The following LRRC53 variants were observed in gnomAD, a reference collection of about 807,000 sequenced individuals.
The protein encoded by LRRC53 is leucine-rich repeat-containing protein 53.
Under a neutral mutation model 13.6 loss-of-function variants are expected in LRRC53, and 25 were observed. The observed-to-expected ratio is 1.83, with a 90% CI of 1.34 to 2.56. The LOEUF is 2.56. LRRC53 is among the 30% of genes most tolerant of loss of function. The pLI is 0.00. For synonymous variants in LRRC53, 204 were observed against 109.8 expected (o/e 1.86, Z -5.37); for missense variants, 527 against 275.8 (o/e 1.91, Z -6.45).
At chr1:74,532,477 A>G in the LRRC53 span, among the ~76,000 whole-genome samples, 1 of 151,010 alleles carries the variant, frequency 6.6e-6, no homozygotes, top group East Asian at 1.9e-4. Context: ...TTTTCTTTTT[A>G]TTTTATTATT....
chr1:74,528,781 G>A, the LRRC53 span, among the ~76,000 whole-genome samples: 78 of 152,222 alleles, frequency 5.1e-4, no homozygotes, highest in Non-Finnish European at 8.5e-4. Context: ...TGGGAGGAGC[G>A]GCACTTCAAC....
At chr1:74,523,935 C>A in the LRRC53 span, among the ~76,000 whole-genome samples, 1 of 152,100 alleles carries the variant, frequency 6.6e-6, no homozygotes, top group Admixed American at 6.6e-5. Context: ...TCCCCCCACC[C>A]CCGACAGGCC....
the LRRC53 span, among the ~76,000 whole-genome samples, chr1:74,519,770 A>C: frequency 0.014 from 2,088 of 152,232 alleles, 42 homozygotes; most frequent in African/African-American, 0.045. Context: ...TATAATGAAG[A>C]TATGTTATAG....
At chr1:74,533,112 G>A in the LRRC53 span, among the ~76,000 whole-genome samples, 5 of 152,158 alleles carry the variant, frequency 3.3e-5, no homozygotes, top group South Asian at 2.1e-4. Flanking sequence ...AGAAAGTACC[G>A]TCAGAGTGAA....
the LRRC53 span, among the ~76,000 whole-genome samples, chr1:74,523,273 G>A: frequency 2.1e-4 from 32 of 152,110 alleles, 1 homozygote; most frequent in Non-Finnish European, 4.3e-4. Context: ...CACATCTATA[G>A]ACATTATCTC....
intron 1 of LRRC53, among the ~76,000 whole-genome samples, chr1:74,510,165 T>A (rs949947872): frequency 1.3e-5 from 2 of 152,152 alleles, no homozygotes; most frequent in Non-Finnish European, 2.9e-5. Flanking sequence ...CCCCTGATTT[T>A]TACTTCCTGA....
the LRRC53 span, among the ~76,000 whole-genome samples, chr1:74,535,382 ATTGT>A: frequency 1.1e-3 from 162 of 152,246 alleles, no homozygotes; most frequent in African/African-American, 3.6e-3. Context: ...ACACACAAGA[ATTGT>A]TTGAGTGTGG....
chr1:74,520,614 C>A, the LRRC53 span, among the ~76,000 whole-genome samples: 4 of 147,066 alleles, frequency 2.7e-5, no homozygotes, highest in South Asian at 4.3e-4. Flanking sequence ...CTCACAACTT[C>A]AAAAAAAAAA....
intron 1 of LRRC53, among the ~76,000 whole-genome samples, chr1:74,512,248 A>T (rs1488702977): frequency 2.0e-5 from 3 of 152,146 alleles, no homozygotes; most frequent in Non-Finnish European, 2.9e-5. Flanking sequence ...GGAGCTAGGG[A>T]TAATATGGTA....
intron 1 of LRRC53, among the ~76,000 whole-genome samples, chr1:74,509,992 G>A (rs898548066): frequency 1.2e-4 from 18 of 151,976 alleles, no homozygotes; most frequent in African/African-American, 3.9e-4. Context: ...GAATTCAAGC[G>A]ATCTGCTTGC....
chr1:74,486,207 G>GAGAGAGAGAGAGAGAA (rs1668754524), intron 1 of LRRC53, among the ~76,000 whole-genome samples: 3 of 140,268 alleles, frequency 2.1e-5, no homozygotes, highest in African/African-American at 3.2e-5. Flanking sequence ...TATAAAGAGA[G>GAGAGAGAGAGAGAGAA]AGAGAGAGAG....
intron 1 of LRRC53, among the ~76,000 whole-genome samples, chr1:74,486,950 A>T (rs540054727): frequency 6.6e-6 from 1 of 152,298 alleles, no homozygotes; most frequent in Admixed American, 6.5e-5. Context: ...AGATCTTTGT[A>T]ACCTTGACAA....
intron 3 of LRRC53, among the ~76,000 whole-genome samples, chr1:74,476,702 G>C (rs1668224419): frequency 6.6e-6 from 1 of 152,142 alleles, no homozygotes; most frequent in Non-Finnish European, 1.5e-5. Context: ...TGAATAAAGA[G>C]ATCTGTGCCC....
At chr1:74,514,520 T>C (rs1646320294), upstream of LRRC53, among the ~76,000 whole-genome samples, 1 of 152,218 alleles carries the variant, frequency 6.6e-6, no homozygotes, top group African/African-American at 2.4e-5. Context: ...ATTGAGAACC[T>C]ACTATGTACT....
At chr1:74,529,718 G>A in the LRRC53 span, among the ~76,000 whole-genome samples, 2 of 152,276 alleles carry the variant, frequency 1.3e-5, no homozygotes, top group East Asian at 1.9e-4. Context: ...AATAAACACT[G>A]TATAATTGTG....
rs1386206430 is a variant in LRRC53, at chr1:74,475,337, C to T, written c.1378G>A (p.Val460Ile). 1.4e-6 allele frequency: 1 copy of T among 708,398 alleles called. No individual in the cohort carries two copies. Among genetic ancestry groups the T allele is most frequent in the South Asian group, 1.5e-5 (1 of 66,432 alleles). 43.9% of individuals were successfully genotyped at this position (708,398 alleles called of 1,614,324 possible). Reference protein sequence around the residue: ...QKLWNLEPGEVQPQTLQHHII... With the variant: ...QKLWNLEPGEIQPQTLQHHII... ...TGGTGTTGCAGAGTTTGAGGCTGGA[C>T]TTCTCCAGGCTCAAGATTCCATAGC... Residue 460 changes from valine (V) to isoleucine (I), a missense_variant, in exon 4 of 5, where the codon GTC (valine) becomes ATC (isoleucine). Physicochemically the swap from Val to Ile is conservative, Grantham distance 29. Transcript: ENST00000294635.
rs1016168874 is a variant in LRRC53 at position 74,504,237 on chromosome 1, G to T, written c.-27+8289C>A. Among the ~76,000 whole-genome samples the T allele has an allele frequency of 2.0e-5, 3 of 152,286 alleles. No individual in the cohort carries two copies. The East Asian group carries it at 5.8e-4, about 29-fold the overall frequency. On this transcript the variant is annotated intron_variant, in intron 1 of 4. Transcript: ENST00000294635. ...ATAGTCTGTGATGAAAGGTGATAGG[G>T]CTCTATGTTAAGAACTCCTTTTCGG...
the LRRC53 span, among the ~76,000 whole-genome samples, chr1:74,528,314 G>A: frequency 6.6e-6 from 1 of 152,252 alleles, no homozygotes; most frequent in Admixed American, 6.5e-5. Context: ...GCATGGCATA[G>A]GGACATAGTA....
the LRRC53 span, among the ~76,000 whole-genome samples, chr1:74,527,905 G>T: frequency 6.6e-6 from 1 of 152,136 alleles, no homozygotes; most frequent in African/African-American, 2.4e-5. Flanking sequence ...GTGGTGGGTG[G>T]CACTGCCTGG....
Sources: allele counts gnomAD v4.1 joint callset (sites outside exome capture counted in the v4.1 genomes callset), GRCh38; gene constraint gnomAD v4.1.1; transcripts MANE v1.5; gene names NCBI Gene and HGNC (gene_info 2026-07-23, HGNC 2026-07-21).